The following SP140 variants were observed in gnomAD, a reference collection of about 807,000 sequenced individuals.
The protein encoded by SP140 is nuclear body protein SP140.
Under a neutral mutation model 125.0 loss-of-function variants are expected in SP140, and 81 were observed. The observed-to-expected ratio is 0.65, with a 90% CI of 0.54 to 0.78. The LOEUF is 0.78. Ranked by LOEUF, SP140 falls within the 30% of genes least tolerant of loss-of-function variation. The probability of loss-of-function intolerance (pLI) is 0.00; values close to 1 mark genes in which losing one functional copy is unlikely to be tolerated. For missense variants in SP140, 858 were observed against 1,037.0 expected (o/e 0.83, Z 2.37); for synonymous variants, 312 against 354.0 (o/e 0.88, Z 1.33).
intron 14 of SP140, 75 bp from the exon 15 acceptor site, chr2:230,270,511 A>G: frequency 7.3e-7 from 1 of 1,363,154 alleles, no homozygotes; most frequent in South Asian, 1.2e-5. Context: ...AGCCTTCTGT[A>G]GTATACATTG....
chr2:230,250,803 G>T (rs1443366507), intron 9 of SP140, among the ~76,000 whole-genome samples, 178 bp from the exon 10 acceptor site: 1 of 152,170 alleles, frequency 6.6e-6, no homozygotes, highest in Non-Finnish European at 1.5e-5. Flanking sequence ...TCTCAGCCTT[G>T]GTGACAGCAA....
At chr2:230,282,931 G>T (rs2055811864) in intron 15 of SP140, among the ~76,000 whole-genome samples, 1 of 152,206 alleles carries the variant, frequency 6.6e-6, no homozygotes, top group Admixed American at 6.5e-5. Context: ...ATTTGTTTGT[G>T]TGTGGCTGGG....
At chr2:230,316,015 T>G (rs1468175683), downstream of SP140, among the ~76,000 whole-genome samples, 1 of 152,200 alleles carries the variant, frequency 6.6e-6, no homozygotes. Context: ...CAATTCACAT[T>G]CTCAAGGATT....
chr2:230,301,148 A>G (rs1456681337), intron 22 of SP140, among the ~76,000 whole-genome samples: 1 of 152,234 alleles, frequency 6.6e-6, no homozygotes, highest in South Asian at 2.1e-4. Context: ...GTTTAGGATT[A>G]TGATAAATGA....
chr2:230,210,165 GC>G (rs1377329402), intron 1 of SP140, among the ~76,000 whole-genome samples: 1 of 152,158 alleles, frequency 6.6e-6, no homozygotes, highest in African/African-American at 2.4e-5. Flanking sequence ...CTTGATTTTT[GC>G]CAACTTGTGG....
chr2:230,277,675 TTTAC>T (rs574425321), intron 15 of SP140, among the ~76,000 whole-genome samples: 53 of 152,282 alleles, frequency 3.5e-4, no homozygotes, highest in South Asian at 1.4e-3. Context: ...TAGAAACATG[TTTAC>T]TTACTTCTAG....
chr2:230,246,796 G>A (rs767723417), intron 7 of SP140, among the ~76,000 whole-genome samples: 3 of 152,154 alleles, frequency 2.0e-5, no homozygotes, highest in African/African-American at 4.8e-5. Context: ...GAATTAAAAG[G>A]TGGAGAAAAT....
intron 1 of SP140, among the ~76,000 whole-genome samples, chr2:230,209,221 T>C (rs1397887115): frequency 1.3e-5 from 2 of 152,122 alleles, no homozygotes; most frequent in African/African-American, 2.4e-5. Flanking sequence ...ATAGGGTCTA[T>C]AGCTTGCCTT....
In SP140 at chr2:230,230,868, C is replaced by T. The variant is rs970289596; in HGVS notation, c.59+4965C>T. On this transcript the variant is annotated intron_variant, in intron 1 of 26. Coordinates refer to ENST00000392045, the MANE Select transcript of SP140 (RefSeq NM_007237.5). ...TCTATTTTCTCTTTCTTCTCCTTCT[C>T]GTATTCCAATTACATATTTGTCACA... is the stretch of plus-strand genomic sequence containing the variant. 4.6e-5 allele frequency among the ~76,000 whole-genome samples: 7 copies of T among 152,196 alleles called. No homozygotes were observed. In the East Asian group the frequency reaches 7.7e-4, roughly 17 times the overall value.
At chr2:230,286,533 G>T (rs1409712261) in intron 17 of SP140, among the ~76,000 whole-genome samples, 2 of 152,218 alleles carry the variant, frequency 1.3e-5, no homozygotes, top group Admixed American at 6.5e-5. Context: ...ATTGCAAGTG[G>T]TTGATGCACA....
upstream of SP140, among the ~76,000 whole-genome samples, chr2:230,199,335 T>C (rs372478570): frequency 6.7e-6 from 1 of 149,296 alleles, no homozygotes; most frequent in Non-Finnish European, 1.5e-5. Flanking sequence ...CAGCCTCCCA[T>C]GTAGCTGGGA....
In SP140 at chr2:230,280,086, A is replaced by G. The variant is rs576450679; in HGVS notation, c.1499-4260A>G. Among the ~76,000 whole-genome samples, 6 of 152,288 alleles carry G rather than the reference A, an allele frequency of 3.9e-5. No individual in the cohort carries two copies. The East Asian group carries it at 9.6e-4, about 24-fold the overall frequency. On this transcript the variant is annotated intron_variant, in intron 15 of 26. Transcript: ENST00000392045. ...CTTTCTTGTTTAAATTTGTGTCCATAGTAATTTAAATTTTATTTGCTCCAT... is the reference window on the plus strand; with the variant it reads ...CTTTCTTGTTTAAATTTGTGTCCATGGTAATTTAAATTTTATTTGCTCCAT...
rs114218380 is a variant in SP140 at position 230,297,339 on chromosome 2, G to T, written c.2017-82G>T. 2.9e-3 allele frequency: 4,353 copies of T among 1,499,284 alleles called. 108 individuals are homozygous for T. In the African/African-American group the frequency reaches 0.054, roughly 19 times the overall value. The allele number at this position is 1,499,284 out of a possible 1,614,324, so 92.9% of individuals were successfully genotyped here. Reference sequence around the variant, plus strand: ...CAACTGGTTCCTGAATCCCTTCAAAGAATACTATTTAAATTTAAATAAGTG... The same window carrying T: ...CAACTGGTTCCTGAATCCCTTCAAATAATACTATTTAAATTTAAATAAGTG... On this transcript the variant is annotated intron_variant, in intron 21 of 26. Coordinates refer to ENST00000392045, the MANE Select transcript of SP140 (RefSeq NM_007237.5).
chr2:230,194,133 C>T, the SP140 span, among the ~76,000 whole-genome samples: 1 of 151,980 alleles, frequency 6.6e-6, no homozygotes, highest in Non-Finnish European at 1.5e-5. Flanking sequence ...ATGCTGGGAA[C>T]AAGCAGAAAA....
chr2:230,301,572 G>C (rs1202432029), intron 22 of SP140, among the ~76,000 whole-genome samples: 2 of 152,114 alleles, frequency 1.3e-5, no homozygotes, highest in Non-Finnish European at 1.5e-5. Flanking sequence ...GTCTTTTTCA[G>C]ACAAACAAAT....
chr2:230,222,564 AT>A (rs1348705307), upstream of SP140, among the ~76,000 whole-genome samples: 1 of 151,928 alleles, frequency 6.6e-6, no homozygotes, highest in Non-Finnish European at 1.5e-5. Flanking sequence ...ACAAAAATAC[AT>A]TTTTTTAAAT....
At chr2:230,209,113 T>C (rs1405529856) in intron 1 of SP140, among the ~76,000 whole-genome samples, 1 of 151,998 alleles carries the variant, frequency 6.6e-6, no homozygotes, top group Non-Finnish European at 1.5e-5. Context: ...TGATCAGAGG[T>C]TGAATGATAG....
the SP140 span, among the ~76,000 whole-genome samples, chr2:230,186,354 A>G: frequency 1.3e-5 from 2 of 152,128 alleles, no homozygotes; most frequent in East Asian, 3.8e-4. Context: ...TTAGAATGCA[A>G]GCTCCACTAG....
intron 1 of SP140, among the ~76,000 whole-genome samples, chr2:230,229,323 T>C (rs1407403063): frequency 1.3e-5 from 2 of 152,072 alleles, no homozygotes; most frequent in Non-Finnish European, 2.9e-5. Flanking sequence ...GGCTTCATTT[T>C]AGGTTAACTT....
Sources: gnomAD v4.1 joint callset for allele counts (sites outside exome capture counted in the v4.1 genomes callset) on GRCh38, gnomAD v4.1.1 for gene constraint, MANE v1.5 for transcripts, NCBI Gene and HGNC (gene_info 2026-07-23, HGNC 2026-07-21) for gene names.